BMPR1A: variants seen among roughly 807,000 people sequenced by gnomAD.
The protein encoded by BMPR1A is bone morphogenetic protein receptor type-1A.
In BMPR1A, 7 loss-of-function variants were observed where a neutral mutation model predicts 66.0. The ratio of observed to expected loss-of-function variants is 0.11; its 90% CI spans 0.06 to 0.20. BMPR1A has a LOEUF of 0.20. Among genes scored for constraint, BMPR1A ranks in the 10% least tolerant of loss-of-function variants. BMPR1A has a pLI of 1.00. For missense variants in BMPR1A, 408 were observed against 669.1 expected (o/e 0.61, Z 4.31); for synonymous variants, 200 against 229.7 (o/e 0.87, Z 1.17).
chr10:86,779,880 G>A (rs1236838193), intron 1 of BMPR1A, among the ~76,000 whole-genome samples: 1 of 152,154 alleles, frequency 6.6e-6, no homozygotes, highest in Non-Finnish European at 1.5e-5. Flanking sequence ...GGGACTACAG[G>A]TGTGAGCCAC....
intron 2 of BMPR1A, among the ~76,000 whole-genome samples, chr10:86,844,525 A>G (rs1249088010): frequency 6.6e-6 from 1 of 152,232 alleles, no homozygotes; most frequent in Non-Finnish European, 1.5e-5. Flanking sequence ...ACAGTAAGGC[A>G]GTAAGTTAAT....
intron 3 of BMPR1A, among the ~76,000 whole-genome samples, chr10:86,881,729 A>G (rs80135941): frequency 0.034 from 5,107 of 152,326 alleles, 192 homozygotes; most frequent in African/African-American, 0.092. Context: ...ATACCGGACA[A>G]GTTACCCAAT....
At chr10:86,889,279 G>T (rs1242700954) in intron 3 of BMPR1A, among the ~76,000 whole-genome samples, 2 of 152,180 alleles carry the variant, frequency 1.3e-5, no homozygotes, top group Non-Finnish European at 2.9e-5. Flanking sequence ...TTCAGTTTCT[G>T]CCAGCATCGT....
intron 1 of BMPR1A, among the ~76,000 whole-genome samples, chr10:86,759,448 C>T (rs1171167026): frequency 6.6e-6 from 1 of 152,052 alleles, no homozygotes; most frequent in Non-Finnish European, 1.5e-5. Flanking sequence ...CAGTTGCTTT[C>T]TACATATCTG....
At chr10:86,878,633 A>G (rs1171654973) in intron 3 of BMPR1A, among the ~76,000 whole-genome samples, 1 of 152,210 alleles carries the variant, frequency 6.6e-6, no homozygotes, top group African/African-American at 2.4e-5. Context: ...GTGGTTCCCA[A>G]GTGGTTACTA....
chr10:86,846,004 A>T (rs1036708239), intron 2 of BMPR1A, among the ~76,000 whole-genome samples: 1 of 151,686 alleles, frequency 6.6e-6, no homozygotes, highest in African/African-American at 2.4e-5. Context: ...CTCAAAAAAA[A>T]AAAAATTATA....
chr10:86,776,747 A>G (rs891156717), intron 1 of BMPR1A, among the ~76,000 whole-genome samples: 11 of 152,038 alleles, frequency 7.2e-5, no homozygotes, highest in Admixed American at 6.6e-4. Flanking sequence ...TTTAATGAAG[A>G]TTTTGTCTTA....
At chr10:86,777,484 A>G (rs967513250) in intron 1 of BMPR1A, among the ~76,000 whole-genome samples, 1 of 152,042 alleles carries the variant, frequency 6.6e-6, no homozygotes, top group African/African-American at 2.4e-5. Flanking sequence ...GGGAGGCTAA[A>G]GTGGGAGGAT....
chr10:86,816,738 C>G (rs1181119185), intron 1 of BMPR1A, among the ~76,000 whole-genome samples: 3 of 152,190 alleles, frequency 2.0e-5, no homozygotes, highest in Non-Finnish European at 2.9e-5. Flanking sequence ...ATTTAAGGCT[C>G]TCCGTATCTG....
chr10:86,818,983 C>T (rs965567794), intron 1 of BMPR1A, among the ~76,000 whole-genome samples: 1 of 151,960 alleles, frequency 6.6e-6, no homozygotes, highest in Non-Finnish European at 1.5e-5. Context: ...TGAATGAACC[C>T]GAAGAATTCC....
At chr10:86,822,529 T>A (rs981966523) in intron 1 of BMPR1A, among the ~76,000 whole-genome samples, 45 of 152,368 alleles carry the variant, frequency 3.0e-4, no homozygotes, top group African/African-American at 1.0e-3. Context: ...AGAGTCTGGC[T>A]GATCTGGGTT....
At chr10:86,776,891 A>G (rs1841357476) in intron 1 of BMPR1A, among the ~76,000 whole-genome samples, 1 of 152,102 alleles carries the variant, frequency 6.6e-6, no homozygotes, top group Non-Finnish European at 1.5e-5. Context: ...CTCAGCTATC[A>G]TGGTCATACC....
Position 86,781,505 on chromosome 10 carries a change from G to A in BMPR1A, c.-268+24586G>A, listed in dbSNP as rs184890498. 2.2e-3 allele frequency among the ~76,000 whole-genome samples: 340 copies of A among 152,178 alleles called. 1 individual carries two copies. The highest frequency in any genetic ancestry group is 7.9e-3 in the African/African-American group (329 of 41,520). On this transcript the variant is annotated intron_variant, in intron 1 of 12. Transcript: ENST00000372037. ...TTGCTCAGGGTTGCTTTGGTTATTCGGGGGCTTTTGTGGTTCTGTACAAAT... is the reference window on the plus strand; with the variant it reads ...TTGCTCAGGGTTGCTTTGGTTATTCAGGGGCTTTTGTGGTTCTGTACAAAT...
chr10:86,850,097 G>T (rs1390531501), intron 2 of BMPR1A, among the ~76,000 whole-genome samples: 1 of 152,106 alleles, frequency 6.6e-6, no homozygotes, highest in African/African-American at 2.4e-5. Context: ...GAGGTGGGTG[G>T]ATCACTTGAG....
intron 1 of BMPR1A, among the ~76,000 whole-genome samples, chr10:86,788,095 A>G (rs185673886): frequency 1.6e-4 from 24 of 152,320 alleles, no homozygotes; most frequent in East Asian, 1.3e-3. Flanking sequence ...TAAAATTTCT[A>G]TGCAGTGATG....
At chr10:86,787,785 T>C (rs1361457810) in intron 1 of BMPR1A, among the ~76,000 whole-genome samples, 2 of 152,106 alleles carry the variant, frequency 1.3e-5, no homozygotes, top group Non-Finnish European at 2.9e-5. Flanking sequence ...CAGGCCTATC[T>C]TCACATGACA....
At chr10:86,876,448 C>T (rs1364361447) in intron 3 of BMPR1A, among the ~76,000 whole-genome samples, 1 of 152,140 alleles carries the variant, frequency 6.6e-6, no homozygotes, top group Non-Finnish European at 1.5e-5. Flanking sequence ...TTCCTCTCTC[C>T]TTTAAAATAC....
chr10:86,824,105 G>GTGTGTGTTTGTGTGTGTGTGTGTGTGTT (rs1554882223), intron 1 of BMPR1A, among the ~76,000 whole-genome samples: 14 of 147,386 alleles, frequency 9.5e-5, no homozygotes, highest in East Asian at 8.4e-4. Context: ...GTGTGTGTGT[G>GTGTGTGTTTGTGTGTGTGTGTGTGTGTT]TGTGTGTTTC....
At chr10:86,907,905 A>G (rs1656691415) in intron 7 of BMPR1A, among the ~76,000 whole-genome samples, 1 of 152,242 alleles carries the variant, frequency 6.6e-6, no homozygotes, top group Non-Finnish European at 1.5e-5. Context: ...AAGTTCTAGT[A>G]TTTGATAGTA....
Sources: gnomAD v4.1 joint callset for allele counts (sites outside exome capture counted in the v4.1 genomes callset) on GRCh38, gnomAD v4.1.1 for gene constraint, MANE v1.5 for transcripts, NCBI Gene and HGNC (gene_info 2026-07-23, HGNC 2026-07-21) for gene names.